Variants in EZH2 observed in about 807,000 individuals in gnomAD.
The protein encoded by EZH2 is enhancer of zeste 2 polycomb repressive complex 2 subunit, also known as histone-lysine N-methyltransferase EZH2.
Under a neutral mutation model 98.4 loss-of-function variants are expected in EZH2, and 18 were observed. That is an observed-to-expected ratio of 0.18 (90% CI 0.13 to 0.27). The LOEUF is 0.27. Among genes scored for constraint, EZH2 ranks in the 10% least tolerant of loss-of-function variants. The pLI, the probability that EZH2 is intolerant of heterozygous loss-of-function variation, is 1.00. For missense variants in EZH2, 470 were observed against 935.1 expected (o/e 0.50, Z 6.49); for synonymous variants, 338 against 312.3 (o/e 1.08, Z -0.87).
chr7:148,856,022 G>C (rs1816786845), intron 1 of EZH2, among the ~76,000 whole-genome samples: 1 of 151,128 alleles, frequency 6.6e-6, no homozygotes. Flanking sequence ...TTTTTTAAAT[G>C]GTAAACTGTA....
intron 3 of EZH2, among the ~76,000 whole-genome samples, chr7:148,843,853 C>T (rs982900871): frequency 7.2e-5 from 11 of 151,912 alleles, no homozygotes; most frequent in Non-Finnish European, 1.3e-4. Flanking sequence ...CCTCGGCCTC[C>T]CAAAGTGCTG....
intron 15 of EZH2, 147 bp downstream of exon 15, chr7:148,813,809 AGAG>A (rs1803833113): frequency 1.2e-6 from 1 of 807,728 alleles, no homozygotes. Flanking sequence ...TGCATTACCC[AGAG>A]AAAATTATGA....
intron 19 of EZH2, 60 bp from the exon 20 acceptor site, chr7:148,807,766 T>C: frequency 2.7e-6 from 3 of 1,129,898 alleles, no homozygotes; most frequent in Non-Finnish European, 3.9e-6. Flanking sequence ...GTGCTGAGAC[T>C]TAACACAACA....
At position 148,807,558 on chromosome 7, in the gene EZH2, C is replaced by T. The variant is rs1584842805; in HGVS notation, c.*88G>A. 1.9e-6 allele frequency: 2 copies of T among 1,072,566 alleles called. No individual in the cohort carries two copies. Among genetic ancestry groups the T allele is most frequent in the Non-Finnish European group, 2.8e-6 (2 of 712,766 alleles). The allele number at this position is 1,072,566 out of a possible 1,614,324, so 66.4% of individuals were successfully genotyped here. On this transcript the variant is annotated 3_prime_UTR_variant, in exon 20 of 20. Transcript: ENST00000320356. ...TTTGCAAATTCAGAATTTCAAACTG[C>T]ATGTTCTTTTTCTAAATTGCCCACA...
intron 19 of EZH2, 127 bp from the exon 20 acceptor site, chr7:148,807,833 A>C (rs972258461): frequency 2.8e-5 from 18 of 642,660 alleles, no homozygotes; most frequent in Non-Finnish European, 3.5e-5. Flanking sequence ...AAAAAAAAAA[A>C]AAACCCATCC....
chr7:148,850,003 A>G (rs1161924030), intron 1 of EZH2, among the ~76,000 whole-genome samples: 1 of 152,100 alleles, frequency 6.6e-6, no homozygotes, highest in Non-Finnish European at 1.5e-5. Context: ...TCACTGATGT[A>G]TAATGTGGGT....
intron 19 of EZH2, among the ~76,000 whole-genome samples, 157 bp from the exon 20 acceptor site, chr7:148,807,863 T>C (rs1801926881): frequency 6.7e-6 from 1 of 148,384 alleles, no homozygotes; most frequent in Non-Finnish European, 1.5e-5. Flanking sequence ...GCTGCCTGCA[T>C]AACGGCACAT....
rs568499195 is a variant in EZH2 at position 148,818,413 on chromosome 7, A to G, written c.1000-296T>C. On this transcript the variant is annotated intron_variant, in intron 9 of 19. Coordinates refer to ENST00000320356, the MANE Select transcript of EZH2 (RefSeq NM_004456.5). ...TAGCTAGTTATAATTAAGTTAAAAT[A>G]TAAGAAGATAAAGTATGAAATATAC... Among the ~76,000 whole-genome samples the G allele has an allele frequency of 2.6e-5, 4 of 152,338 alleles. No homozygotes were observed. The East Asian group carries it at 5.8e-4, about 22-fold the overall frequency.
At chr7:148,879,244 CAAAAAA>C (rs1820610008) in intron 1 of EZH2, among the ~76,000 whole-genome samples, 1 of 141,688 alleles carries the variant, frequency 7.1e-6, no homozygotes, top group Non-Finnish European at 1.5e-5. Flanking sequence ...AAAACAAAAA[CAAAAAA>C]CAAAAACAAA....
At chr7:148,883,697 C>T (rs1212258995) in intron 1 of EZH2, among the ~76,000 whole-genome samples, 1 of 151,742 alleles carries the variant, frequency 6.6e-6, no homozygotes, top group Non-Finnish European at 1.5e-5. Flanking sequence ...ACAGTCCGTC[C>T]TTTGTCTGAG....
intron 3 of EZH2, among the ~76,000 whole-genome samples, chr7:148,841,740 C>A (rs933608232): frequency 7.9e-5 from 12 of 152,084 alleles, no homozygotes; most frequent in African/African-American, 2.4e-4. Context: ...TTTTCATTTA[C>A]AATTAACTGA....
intron 11 of EZH2, 73 bp from the exon 12 acceptor site, chr7:148,816,851 C>A: frequency 9.3e-7 from 1 of 1,070,488 alleles, no homozygotes; most frequent in Non-Finnish European, 1.5e-6. Flanking sequence ...CTCATGCATA[C>A]CAGAAAAATG....
chr7:148,807,944 C>T (rs1481877220), intron 19 of EZH2, among the ~76,000 whole-genome samples: 5 of 151,946 alleles, frequency 3.3e-5, no homozygotes, highest in Non-Finnish European at 7.4e-5. Context: ...CTGAAGTGAA[C>T]AAACCTGTCT....
At chr7:148,882,493 A>C (rs1159401438) in intron 1 of EZH2, among the ~76,000 whole-genome samples, 1 of 152,244 alleles carries the variant, frequency 6.6e-6, no homozygotes, top group African/African-American at 2.4e-5. Context: ...TTTAGAGACC[A>C]TGAATAGAAA....
chr7:148,818,115 C>A lies in EZH2; in HGVS notation c.1002G>T (p.Glu334Asp). ...GAGCAGCAGCAAACTCCTTTGCTCC[C>A]TCCTACGAAATGAAAAATGTCAACA... is the stretch of plus-strand genomic sequence containing the variant. ...PCGPQCYQHL[E>D]GAKEFAAALT... is the part of the protein sequence containing the mutation. Residue 334 changes from glutamate to aspartate, a missense_variant and splice_region_variant, in exon 10 of 20, where the codon GAG becomes GAT. Around this residue, in one of 6 missense-constraint regions of EZH2, gnomAD observed 192 missense variants for 306.8 expected, o/e 0.63. Coordinates refer to ENST00000320356, the MANE Select transcript of EZH2 (RefSeq NM_004456.5). The A allele has an allele frequency of 6.5e-7, 1 of 1,549,264 alleles. No homozygotes were observed. The highest frequency in any genetic ancestry group is 2.2e-5 in the Admixed American group (1 of 46,182).
In EZH2 at chr7:148,846,022, A is replaced by G. The variant is rs1475525628; in HGVS notation, c.246+448T>C. Among the ~76,000 whole-genome samples the G allele has an allele frequency of 2.6e-5, 4 of 152,344 alleles. No individual in the cohort carries two copies. In the South Asian group the frequency reaches 8.3e-4, roughly 32 times the overall value. Reference sequence around the variant, plus strand: ...AGAAATTCCAATCTCTCAACAAGAAATTTAAAAATTCTTATAGAGAGGCTT... The same window carrying G: ...AGAAATTCCAATCTCTCAACAAGAAGTTTAAAAATTCTTATAGAGAGGCTT... On this transcript the variant is annotated intron_variant, in intron 3 of 19. Coordinates refer to ENST00000320356, the MANE Select transcript of EZH2 (RefSeq NM_004456.5).
At position 148,846,616 on chromosome 7, in the gene EZH2, A is replaced by T. The variant is rs560402956; in HGVS notation, c.118-18T>A. ...AACATACTCTTAAAAAAAAAAATGA[A>T]GGAGAGGAAAGGAGAAATTGTTCAT... On this transcript the variant is annotated intron_variant, in intron 2 of 19. Coordinates refer to ENST00000320356, the MANE Select transcript of EZH2 (RefSeq NM_004456.5). 14 of 1,600,854 alleles carry T rather than the reference A, an allele frequency of 8.7e-6. No homozygotes were observed. The highest frequency in any genetic ancestry group is 1.2e-5 in the Non-Finnish European group (14 of 1,171,950).
At chr7:148,831,425 T>C (rs1164267291) in intron 4 of EZH2, among the ~76,000 whole-genome samples, 1 of 152,184 alleles carries the variant, frequency 6.6e-6, no homozygotes, top group African/African-American at 2.4e-5. Context: ...TTTTCAATCA[T>C]ATCCACATCA....
In EZH2 at chr7:148,845,393, T is replaced by C. The variant is rs184559632; in HGVS notation, c.246+1077A>G. On this transcript the variant is annotated intron_variant, in intron 3 of 19. Coordinates refer to ENST00000320356, the MANE Select transcript of EZH2 (RefSeq NM_004456.5). ...GAGGAAAGTGTCACTGTATAATCAA[T>C]ATTTATACAATTATAAGTCAGAGCT... Among the ~76,000 whole-genome samples the C allele has an allele frequency of 9.2e-5, 14 of 152,314 alleles. No homozygotes were observed. In the East Asian group the frequency reaches 2.5e-3, roughly 27 times the overall value.
Sources: gnomAD v4.1 joint callset for allele counts (sites outside exome capture counted in the v4.1 genomes callset) on GRCh38, gnomAD v4.1.1 for gene constraint, gnomAD v4.1.1 regional missense constraint, MANE v1.5 for transcripts, NCBI Gene and HGNC (gene_info 2026-07-23, HGNC 2026-07-21) for gene names.